Variants in TGFBRAP1 observed in about 807,000 individuals in gnomAD.
The protein encoded by TGFBRAP1 is transforming growth factor beta receptor associated protein 1.
A neutral mutation model predicts 83.2 loss-of-function variants in TGFBRAP1; 20 were observed. That is an observed-to-expected ratio of 0.24 (90% CI 0.17 to 0.35). TGFBRAP1 has a LOEUF of 0.35. TGFBRAP1 is among the 10% of genes least tolerant of loss of function. TGFBRAP1 has a pLI of 1.00. For missense variants in TGFBRAP1, 950 were observed against 1,099.4 expected, an observed-to-expected ratio of 0.86 and a Z score of 1.92; for synonymous variants, 415 against 459.8, an observed-to-expected ratio of 0.90 and a Z score of 1.25.
chr2:105,250,789 G>T, the TGFBRAP1 span, among the ~76,000 whole-genome samples: 2 of 152,162 alleles, frequency 1.3e-5, no homozygotes, highest in African/African-American at 2.4e-5. Flanking sequence ...GAGTGCCTGC[G>T]ATTGCAGGCG....
intron 6 of TGFBRAP1, among the ~76,000 whole-genome samples, chr2:105,278,034 G>A (rs998781960): frequency 3.9e-5 from 6 of 151,936 alleles, no homozygotes; most frequent in Non-Finnish European, 7.4e-5. Context: ...ACTCCAGCCC[G>A]GGTGACGGAG....
Position 105,273,735 on chromosome 2 carries a change from C to A in TGFBRAP1, c.1666-45G>T, listed in dbSNP as rs192012971. Reference sequence around the variant, plus strand: ...ACAGTGACTGTGCTTCCCAAACCCACCTTTCCTTTAACTTTATTTTGGTCA... The same window carrying A: ...ACAGTGACTGTGCTTCCCAAACCCAACTTTCCTTTAACTTTATTTTGGTCA... On this transcript the variant is annotated intron_variant, in intron 8 of 11. Transcript: ENST00000393359. The A allele has an allele frequency of 2.0e-4, 324 of 1,592,968 alleles. 1 individual carries two copies. In the South Asian group the frequency reaches 2.1e-3, roughly 10 times the overall value.
In TGFBRAP1 at chr2:105,272,946, G is replaced by A. The variant is rs764063813; in HGVS notation, c.1881C>T (p.Ala627=). The part of the protein sequence containing the change: ...LEEVLLQRAS[A]SGKGAEATET... Reference sequence around the variant, plus strand: ...CGGTGGCCTCTGCACCCTTGCCACTGGCGGAGGCCCTCTGCAGCAGCACCT... The same window carrying A: ...CGGTGGCCTCTGCACCCTTGCCACTAGCGGAGGCCCTCTGCAGCAGCACCT... Residue 627 remains alanine (A), a synonymous_variant, in exon 10 of 12, where the codon GCC becomes GCT. Coordinates refer to ENST00000393359, the MANE Select transcript of TGFBRAP1 (RefSeq NM_004257.6). The A allele has an allele frequency of 1.9e-6, 3 of 1,612,786 alleles. No homozygotes were observed. The highest frequency in any genetic ancestry group is 2.7e-5 in the African/African-American group (2 of 74,874).
At chr2:105,308,549 T>G (rs545770620) in intron 1 of TGFBRAP1, among the ~76,000 whole-genome samples, 1 of 152,022 alleles carries the variant, frequency 6.6e-6, no homozygotes, top group South Asian at 2.1e-4. Context: ...TATACACATA[T>G]GTATGTGCTT....
intron 11 of TGFBRAP1, among the ~76,000 whole-genome samples, chr2:105,268,649 G>A (rs1056575934): frequency 1.3e-5 from 2 of 152,196 alleles, no homozygotes; most frequent in Non-Finnish European, 2.9e-5. Context: ...GCATCTTCCA[G>A]GACAGGGAGC....
rs750717995 is a variant in TGFBRAP1 at position 105,296,463 on chromosome 2, A to T, written c.931T>A (p.Leu311Ile). 1 of 1,614,092 alleles carries T rather than the reference A, an allele frequency of 6.2e-7. No homozygotes were observed. Among genetic ancestry groups the T allele is most frequent in the South Asian group, 1.1e-5 (1 of 91,076 alleles). ...TSKGVYILVP[L>I]PLEKQIQDLL... The stretch of plus-strand genomic sequence containing the variant: ...TCCTGTATTTGTTTTTCCAAAGGTA[A>T]TGGAACCAAGATGTAAACTCCTTTA... Residue 311 changes from leucine to isoleucine, a missense_variant, in exon 4 of 12, where the codon TTA (leucine) becomes ATA (isoleucine). Physicochemically the swap from Leu to Ile is conservative, Grantham distance 5. Coordinates refer to ENST00000393359, the MANE Select transcript of TGFBRAP1 (RefSeq NM_004257.6).
chr2:105,279,039 C>T (rs779055820), intron 6 of TGFBRAP1, among the ~76,000 whole-genome samples: 5 of 151,912 alleles, frequency 3.3e-5, no homozygotes, highest in South Asian at 4.2e-4. Context: ...AAATCCTTAA[C>T]GAAAATCATA....
chr2:105,310,833 C>T (rs1055300257), intron 1 of TGFBRAP1, among the ~76,000 whole-genome samples: 9 of 152,148 alleles, frequency 5.9e-5, no homozygotes, highest in Admixed American at 3.3e-4. Flanking sequence ...CAAAATACTT[C>T]TTCCTTCATT....
chr2:105,313,128 C>T (rs1170671226), intron 1 of TGFBRAP1, among the ~76,000 whole-genome samples: 3 of 152,144 alleles, frequency 2.0e-5, no homozygotes, highest in Non-Finnish European at 4.4e-5. Context: ...AAAAAGAGAA[C>T]TGATGACTTT....
chr2:105,273,819 T>C lies in TGFBRAP1; in HGVS notation c.1666-129A>G, dbSNP rs543102007. ...TAAAATATGATTAAATTATTATGTA[T>C]GCACAGCTTTTTGTATGTCAATCAT... is the stretch of plus-strand genomic sequence containing the variant. On this transcript the variant is annotated intron_variant, in intron 8 of 11. Transcript: ENST00000393359. 35 of 1,167,204 alleles carry C rather than the reference T, an allele frequency of 3.0e-5. No homozygotes were observed. In the South Asian group the frequency reaches 3.3e-4, roughly 11 times the overall value. 72.3% of individuals were successfully genotyped at this position (1,167,204 alleles called of 1,614,324 possible).
rs1050029814 is a variant in TGFBRAP1, at chr2:105,300,554, A to G, written c.689-1849T>C. Among the ~76,000 whole-genome samples the G allele has an allele frequency of 1.1e-4, 17 of 148,842 alleles. No homozygotes were observed. In the South Asian group the frequency reaches 3.6e-3, roughly 32 times the overall value. On this transcript the variant is annotated intron_variant, in intron 2 of 11. Coordinates refer to ENST00000393359, the MANE Select transcript of TGFBRAP1 (RefSeq NM_004257.6). The stretch of plus-strand genomic sequence containing the variant: ...CGGGTTCAAGCGATTCTCCTGCCTC[A>G]GGCTCCTGAGTAGCTGGGATTACAG...
chr2:105,269,708 G>A lies in TGFBRAP1; in HGVS notation c.1973-3C>T. 1 of 1,521,536 alleles carries A rather than the reference G, an allele frequency of 6.6e-7. No individual in the cohort carries two copies. Among genetic ancestry groups the A allele is most frequent in the Non-Finnish European group, 8.8e-7 (1 of 1,134,070 alleles). The allele number at this position is 1,521,536 out of a possible 1,614,324, so 94.3% of individuals were successfully genotyped here. A position where few individuals can be genotyped will look rare whatever the true frequency, so the allele number is the denominator to read the frequency against. On this transcript the variant is annotated splice_region_variant and splice_polypyrimidine_tract_variant and intron_variant, in intron 10 of 11. Transcript: ENST00000393359. The surrounding 1 kb of genome is among the most constrained non-coding windows in gnomAD (Gnocchi z 4.1). ...CAGGCCAGCTCCCTGCAGCCTCTCT[G>A]CAAGACAGAACCTGCAGCTCAGAAA...
the TGFBRAP1 span, among the ~76,000 whole-genome samples, chr2:105,253,423 G>C: frequency 2.0e-5 from 3 of 152,146 alleles, no homozygotes; most frequent in South Asian, 2.1e-4. Context: ...GTGAGCCACC[G>C]CGCCTGGCCT....
intron 5 of TGFBRAP1, among the ~76,000 whole-genome samples, chr2:105,282,082 G>C (rs1055050722): frequency 6.6e-6 from 1 of 152,186 alleles, no homozygotes; most frequent in African/African-American, 2.4e-5. Context: ...CGAATCCAGG[G>C]AAGATTCCTC....
chr2:105,252,680 G>A, the TGFBRAP1 span, among the ~76,000 whole-genome samples: 2 of 151,340 alleles, frequency 1.3e-5, no homozygotes, highest in Non-Finnish European at 2.9e-5. Flanking sequence ...CTTCTTCTCT[G>A]GTTTCCTTCT....
intron 4 of TGFBRAP1, among the ~76,000 whole-genome samples, chr2:105,287,683 T>C (rs983701496): frequency 1.3e-5 from 2 of 152,116 alleles, no homozygotes; most frequent in African/African-American, 4.8e-5. Flanking sequence ...GTGCCTGGCA[T>C]GCAGTAAGCA....
chr2:105,311,749 A>G (rs1372548101), intron 1 of TGFBRAP1, among the ~76,000 whole-genome samples: 1 of 151,752 alleles, frequency 6.6e-6, no homozygotes, highest in African/African-American at 2.4e-5. Context: ...AAATACACAC[A>G]CAAAAAAAAG....
Position 105,304,554 on chromosome 2 carries a change from G to A in TGFBRAP1, c.688+3060C>T, listed in dbSNP as rs540348984. 4.0e-3 allele frequency among the ~76,000 whole-genome samples: 615 copies of A among 152,304 alleles called. 2 individuals carry two copies. Among genetic ancestry groups the A allele is most frequent in the Middle Eastern group, 0.01 (3 of 294 alleles). ...TCCCAGCACTTTGGGAGGCCGAGGC[G>A]GGTGGATCACCTGAGGTCAGGAGTT... On this transcript the variant is annotated intron_variant, in intron 2 of 11. Transcript: ENST00000393359.
At chr2:105,328,936 G>A (rs965553365) in intron 1 of TGFBRAP1, among the ~76,000 whole-genome samples, 2 of 152,096 alleles carry the variant, frequency 1.3e-5, no homozygotes, top group Non-Finnish European at 2.9e-5. Flanking sequence ...GGAGGCAGGC[G>A]GACTAACTTG....
Sources: gnomAD v4.1 joint callset for allele counts (sites outside exome capture counted in the v4.1 genomes callset) on GRCh38, gnomAD v4.1.1 for gene constraint, Gnocchi (gnomAD v3.1) non-coding constraint, MANE v1.5 for transcripts, NCBI Gene and HGNC (gene_info 2026-07-23, HGNC 2026-07-21) for gene names.